The following RSRC1 variants were observed in gnomAD, a reference collection of about 807,000 sequenced individuals.
The protein encoded by RSRC1 is serine/Arginine-related protein 53.
A neutral mutation model predicts 49.1 loss-of-function variants in RSRC1; 39 were observed. The ratio of observed to expected loss-of-function variants is 0.79; its 90% CI spans 0.61 to 1.04. The LOEUF is 1.04. Ranked by LOEUF, RSRC1 falls within the 50% of genes least tolerant of loss-of-function variation. RSRC1 has a pLI of 0.00. For synonymous variants in RSRC1, 143 were observed against 130.8 expected (o/e 1.09, Z -0.63); for missense variants, 388 against 402.4 (o/e 0.96, Z 0.31).
At chr3:158,499,722 G>A (rs1160157655) in intron 7 of RSRC1, among the ~76,000 whole-genome samples, 4 of 152,054 alleles carry the variant, frequency 2.6e-5, no homozygotes, top group African/African-American at 7.2e-5. Context: ...ATTTGTATAC[G>A]TTAATTTGCT....
At chr3:158,504,206 G>A (rs545103566) in intron 7 of RSRC1, among the ~76,000 whole-genome samples, 2 of 152,330 alleles carry the variant, frequency 1.3e-5, no homozygotes, top group Admixed American at 1.3e-4. Context: ...CCACAGTTGG[G>A]GCACTCACAG....
At chr3:158,474,774 A>G (rs559468968) in intron 7 of RSRC1, among the ~76,000 whole-genome samples, 8 of 152,214 alleles carry the variant, frequency 5.3e-5, no homozygotes, top group South Asian at 2.1e-4. Context: ...ATACCTACCA[A>G]TCCTTCAGGT....
chr3:158,460,834 TC>T (rs1257996045), intron 6 of RSRC1, 100 bp from the exon 7 acceptor site: 14 of 600,580 alleles, frequency 2.3e-5, no homozygotes, highest in Admixed American at 7.4e-5. Flanking sequence ...TGTGATTACT[TC>T]GTGGAAAATA....
intron 6 of RSRC1, among the ~76,000 whole-genome samples, chr3:158,427,389 A>G (rs73877205): frequency 0.073 from 11,148 of 151,832 alleles, 480 homozygotes; most frequent in South Asian, 0.13. Flanking sequence ...CAAAATCCCA[A>G]CAGGATTATA....
intron 7 of RSRC1, among the ~76,000 whole-genome samples, chr3:158,520,423 A>C (rs925444321): frequency 6.6e-6 from 1 of 152,180 alleles, no homozygotes; most frequent in Non-Finnish European, 1.5e-5. Context: ...GTCAGAGATT[A>C]TTTAAGGTAG....
At chr3:158,527,681 A>AT (rs1712126978) in intron 7 of RSRC1, among the ~76,000 whole-genome samples, 1 of 151,860 alleles carries the variant, frequency 6.6e-6, no homozygotes, top group Non-Finnish European at 1.5e-5. Flanking sequence ...TTTCAACACA[A>AT]TTTTTTAAAA....
chr3:158,529,635 C>A (rs1424795849), intron 7 of RSRC1, among the ~76,000 whole-genome samples: 1 of 151,938 alleles, frequency 6.6e-6, no homozygotes, highest in East Asian at 1.9e-4. Context: ...CTCATCTGGC[C>A]TTCTAAACAA....
intron 1 of RSRC1, among the ~76,000 whole-genome samples, chr3:158,117,747 G>A (rs75162068): frequency 0.037 from 5,690 of 152,064 alleles, 359 homozygotes; most frequent in African/African-American, 0.13. Context: ...CCATTTCAGC[G>A]TTCAGAGTAA....
intron 3 of RSRC1, among the ~76,000 whole-genome samples, chr3:158,167,181 C>T (rs1316509085): frequency 2.0e-5 from 3 of 151,872 alleles, no homozygotes; most frequent in African/African-American, 7.2e-5. Flanking sequence ...TTTCTTCTCT[C>T]TCTCTTTTTT....
At chr3:158,330,267 G>T (rs768477445) in intron 5 of RSRC1, among the ~76,000 whole-genome samples, 19 of 152,320 alleles carry the variant, frequency 1.2e-4, no homozygotes, top group Non-Finnish European at 2.4e-4. Flanking sequence ...ACGAGCCCCA[G>T]TGAGATTTCC....
intron 4 of RSRC1, among the ~76,000 whole-genome samples, chr3:158,264,090 T>C (rs1725040073): frequency 6.6e-6 from 1 of 152,164 alleles, no homozygotes; most frequent in Non-Finnish European, 1.5e-5. Flanking sequence ...TTGGGTTTAA[T>C]TCTCCTCTTC....
chr3:158,542,109 G>A (rs1260042587), intron 8 of RSRC1, among the ~76,000 whole-genome samples: 3 of 151,762 alleles, frequency 2.0e-5, no homozygotes, highest in Non-Finnish European at 2.9e-5. Context: ...AAGTAGCTCC[G>A]AGACAACCTT....
chr3:158,465,552 T>G (rs1221639229), intron 7 of RSRC1, among the ~76,000 whole-genome samples: 3 of 152,168 alleles, frequency 2.0e-5, no homozygotes, highest in Non-Finnish European at 4.4e-5. Context: ...CACTATTTAT[T>G]CAGTTTGCAT....
At chr3:158,315,121 A>T (rs962085987) in intron 5 of RSRC1, among the ~76,000 whole-genome samples, 1 of 152,130 alleles carries the variant, frequency 6.6e-6, no homozygotes, top group Non-Finnish European at 1.5e-5. Context: ...TATGAAACCA[A>T]ATGTAAACTC....
intron 4 of RSRC1, among the ~76,000 whole-genome samples, chr3:158,283,011 A>G (rs1726270701): frequency 6.6e-6 from 1 of 152,204 alleles, no homozygotes; most frequent in Admixed American, 6.5e-5. Flanking sequence ...CGTGCATTGC[A>G]AACATAACTG....
At chr3:158,111,264 A>AG (rs1714379540) in intron 1 of RSRC1, among the ~76,000 whole-genome samples, 4 of 152,352 alleles carry the variant, frequency 2.6e-5, no homozygotes, top group Admixed American at 6.5e-5. Context: ...CTTTCTTTGC[A>AG]GGCAAAGATT....
intron 4 of RSRC1, among the ~76,000 whole-genome samples, chr3:158,222,818 G>A (rs1722301299): frequency 6.6e-6 from 1 of 151,514 alleles, no homozygotes; most frequent in Non-Finnish European, 1.5e-5. Flanking sequence ...TTTTCTAACT[G>A]TGCTCTGTTC....
At chr3:158,135,270 T>TC (rs1407818141) in intron 3 of RSRC1, among the ~76,000 whole-genome samples, 104 of 95,098 alleles carry the variant, frequency 1.1e-3, no homozygotes, top group African/African-American at 4.9e-3. Context: ...AATTATAGTG[T>TC]AATTTTTTTT....
chr3:158,194,511 T>C (rs1026828526), intron 3 of RSRC1, among the ~76,000 whole-genome samples: 1 of 147,396 alleles, frequency 6.8e-6, no homozygotes, highest in Non-Finnish European at 1.5e-5. Context: ...TTTTTTTTAA[T>C]TATACATTAA....
Sources: allele counts gnomAD v4.1 joint callset (sites outside exome capture counted in the v4.1 genomes callset), GRCh38; gene constraint gnomAD v4.1.1; transcripts MANE v1.5; gene names NCBI Gene and HGNC (gene_info 2026-07-23, HGNC 2026-07-21).